Variants in KPNA1 observed in about 807,000 individuals in gnomAD.
KPNA1 encodes karyopherin subunit alpha 1.
Under a neutral mutation model 70.5 loss-of-function variants are expected in KPNA1, and 10 were observed. The ratio of observed to expected loss-of-function variants is 0.14; its 90% CI spans 0.09 to 0.24. The LOEUF (loss-of-function observed/expected upper bound fraction) is 0.24. Ranked by LOEUF, KPNA1 falls within the 10% of genes least tolerant of loss-of-function variation. KPNA1 has a pLI of 1.00. For missense variants in KPNA1, 397 were observed against 637.9 expected, an observed-to-expected ratio of 0.62 and a Z score of 4.07; for synonymous variants, 192 against 221.9, an observed-to-expected ratio of 0.87 and a Z score of 1.20.
At chr3:122,495,702 T>G (rs2076751357) in intron 2 of KPNA1, among the ~76,000 whole-genome samples, 1 of 137,078 alleles carries the variant, frequency 7.3e-6, no homozygotes, top group Non-Finnish European at 1.5e-5. Flanking sequence ...AAATGGTCCT[T>G]CAGGCTCCAA....
intron 9 of KPNA1, among the ~76,000 whole-genome samples, chr3:122,446,206 C>T (rs2076135608): frequency 6.6e-6 from 1 of 152,166 alleles, no homozygotes; most frequent in South Asian, 2.1e-4. Flanking sequence ...CACCCCAAAT[C>T]AACAAAATAT....
At chr3:122,456,369 GA>G (rs935111145) in intron 5 of KPNA1, among the ~76,000 whole-genome samples, 1 of 151,432 alleles carries the variant, frequency 6.6e-6, no homozygotes, top group Non-Finnish European at 1.5e-5. Context: ...AAGCAATCTG[GA>G]AAAAAAATAA....
chr3:122,506,838 T>C (rs947256814), intron 1 of KPNA1, among the ~76,000 whole-genome samples: 1 of 152,178 alleles, frequency 6.6e-6, no homozygotes, highest in Non-Finnish European at 1.5e-5. Flanking sequence ...ATTCTCAATA[T>C]CAAAACACTT....
intron 2 of KPNA1, among the ~76,000 whole-genome samples, chr3:122,482,334 C>T (rs2076581168): frequency 6.6e-6 from 1 of 152,096 alleles, no homozygotes; most frequent in Admixed American, 6.5e-5. Context: ...TATATGTGCT[C>T]CATAGCTGAT....
intron 2 of KPNA1, among the ~76,000 whole-genome samples, chr3:122,494,378 T>C (rs897428591): frequency 6.6e-6 from 1 of 152,226 alleles, no homozygotes; most frequent in Admixed American, 6.5e-5. Flanking sequence ...GCACTATTCA[T>C]TGAATAGGGT....
intron 2 of KPNA1, among the ~76,000 whole-genome samples, chr3:122,471,548 G>C (rs1397930618): frequency 1.3e-5 from 2 of 152,192 alleles, no homozygotes; most frequent in East Asian, 3.8e-4. Context: ...CCAATTAAAA[G>C]AAAGCGGAGT....
chr3:122,422,983 A>G lies in KPNA1; in HGVS notation c.*4002T>C, dbSNP rs1424265703. The G allele has an allele frequency of 6.6e-6, 1 of 152,184 alleles. No homozygotes were observed. Among genetic ancestry groups the G allele is most frequent in the Non-Finnish European group, 1.5e-5 (1 of 68,014 alleles). The allele number at this position is 152,184 out of a possible 1,614,324, so 9.4% of individuals were successfully genotyped here. A position where few individuals can be genotyped will look rare whatever the true frequency, so the allele number is the denominator to read the frequency against. ...TTTGATATTTTAAATTAGCATATAAATATTTGCTTTATCAGATATTCTGAT... is the reference window on the plus strand; with the variant it reads ...TTTGATATTTTAAATTAGCATATAAGTATTTGCTTTATCAGATATTCTGAT... On this transcript the variant is annotated 3_prime_UTR_variant, in exon 14 of 14. Transcript: ENST00000344337.
rs1491460065 is a variant in KPNA1 at position 122,422,199 on chromosome 3, CTG to C, written c.*4784_*4785del. 6.6e-6 allele frequency: 1 copy of C among 152,162 alleles called. No individual in the cohort carries two copies. The highest frequency in any genetic ancestry group is 2.4e-5 in the African/African-American group (1 of 41,444). 9.4% of individuals were successfully genotyped at this position (152,162 alleles called of 1,614,324 possible). A position where few individuals can be genotyped will look rare whatever the true frequency, so the allele number is the denominator to read the frequency against. On this transcript the variant is annotated 3_prime_UTR_variant, in exon 14 of 14. Coordinates refer to ENST00000344337, the MANE Select transcript of KPNA1 (RefSeq NM_002264.4). Reference sequence around the variant, plus strand: ...TGATATTCCTTTAGGAAGAAGTAGACTGTGTTAAATTCGCATCCATGGCACTG... The same window carrying C: ...TGATATTCCTTTAGGAAGAAGTAGACTGTTAAATTCGCATCCATGGCACTG...
At chr3:122,456,443 A>AAT (rs2076265602) in intron 5 of KPNA1, among the ~76,000 whole-genome samples, 1 of 152,226 alleles carries the variant, frequency 6.6e-6, no homozygotes. Flanking sequence ...ATGCAAAAGA[A>AAT]ATTATAATAA....
intron 1 of KPNA1, among the ~76,000 whole-genome samples, chr3:122,511,599 C>A (rs182774143): frequency 8.5e-5 from 13 of 152,354 alleles, no homozygotes; most frequent in Non-Finnish European, 1.3e-4. Context: ...CCCTATCTGG[C>A]CCTCAGTTGG....
intron 1 of KPNA1, among the ~76,000 whole-genome samples, chr3:122,513,016 T>C (rs1217677286): frequency 6.6e-6 from 1 of 152,196 alleles, no homozygotes; most frequent in Non-Finnish European, 1.5e-5. Context: ...ACAGTGAGTT[T>C]TGATCGCGAC....
At position 122,426,137 on chromosome 3, in the gene KPNA1, T is replaced by A. The variant is rs963553377; in HGVS notation, c.*848A>T. ...GTTTTTTTTATTAAATTACAGGATA[T>A]GGTTTTCGATTACTAAGTATTCGAA... On this transcript the variant is annotated 3_prime_UTR_variant, in exon 14 of 14. Transcript: ENST00000344337. 6.6e-6 allele frequency: 1 copy of A among 152,256 alleles called. No homozygotes were observed. The highest frequency in any genetic ancestry group is 1.5e-5 in the Non-Finnish European group (1 of 68,044). 9.4% of individuals were successfully genotyped at this position (152,256 alleles called of 1,614,324 possible). A position where few individuals can be genotyped will look rare whatever the true frequency, so the allele number is the denominator to read the frequency against.
Position 122,427,114 on chromosome 3 carries a change from G to T in KPNA1, c.1488C>A (p.Ala496=), listed in dbSNP as rs773037206. 1 of 1,614,060 alleles carries T rather than the reference G, an allele frequency of 6.2e-7. No homozygotes were observed. The highest frequency in any genetic ancestry group is 8.5e-7 in the Non-Finnish European group (1 of 1,179,972). The stretch of plus-strand genomic sequence containing the variant: ...CGAAGTAATGCTCAATAAGATCAAA[G>T]GCCTTTTGGTAGATCTCCTGGTTTT... The part of the protein sequence containing the change: ...SHENQEIYQK[A]FDLIEHYFGT... The change falls in exon 14 of 14, where the codon GCC becomes GCA. Residue 496 remains alanine, a synonymous_variant. Transcript: ENST00000344337.
At chr3:122,512,412 A>C (rs2076964769) in intron 1 of KPNA1, among the ~76,000 whole-genome samples, 1 of 152,260 alleles carries the variant, frequency 6.6e-6, no homozygotes. Context: ...AACTTCTACG[A>C]GAACCACTTT....
chr3:122,429,887 G>A (rs2075877736), intron 12 of KPNA1, among the ~76,000 whole-genome samples: 1 of 152,110 alleles, frequency 6.6e-6, no homozygotes. Flanking sequence ...ATACTTGAAT[G>A]TTTGTTCCCC....
At chr3:122,463,746 G>A (rs2076351307) in intron 4 of KPNA1, among the ~76,000 whole-genome samples, 196 bp downstream of exon 4, 1 of 152,024 alleles carries the variant, frequency 6.6e-6, no homozygotes, top group African/African-American at 2.4e-5. Flanking sequence ...TCTGTTTTCT[G>A]ATCCTGGTGA....
chr3:122,477,528 T>TG, intron 2 of KPNA1, among the ~76,000 whole-genome samples: 1 of 152,024 alleles, frequency 6.6e-6, no homozygotes, highest in Non-Finnish European at 1.5e-5. Context: ...AGCAAGACCC[T>TG]GCCTCTACAA....
intron 7 of KPNA1, 137 bp downstream of exon 7, chr3:122,451,839 A>C: frequency 1.4e-6 from 1 of 703,094 alleles, no homozygotes; most frequent in Non-Finnish European, 2.4e-6. Context: ...GAAATGATCT[A>C]AACAAGAAAA....
chr3:122,441,548 G>C (rs2076062301), intron 10 of KPNA1, among the ~76,000 whole-genome samples: 2 of 151,716 alleles, frequency 1.3e-5, no homozygotes, highest in Non-Finnish European at 2.9e-5. Flanking sequence ...ACTACTACAA[G>C]CAACAGGTCA....
Sources: allele counts gnomAD v4.1 joint callset (sites outside exome capture counted in the v4.1 genomes callset), GRCh38; gene constraint gnomAD v4.1.1; transcripts MANE v1.5; gene names NCBI Gene and HGNC (gene_info 2026-07-23, HGNC 2026-07-21).